METTL15: variants seen among roughly 807,000 people sequenced by gnomAD.
METTL15 encodes the protein methyltransferase 15, mitochondrial 12S rRNA N4-cytidine.
Under a neutral mutation model 38.3 loss-of-function variants are expected in METTL15, and 34 were observed. The observed-to-expected ratio is 0.89, with a 90% CI of 0.68 to 1.18. The LOEUF (loss-of-function observed/expected upper bound fraction) is 1.18, where lower values mean the gene tolerates loss of function less well. METTL15 is among the 50% of genes most tolerant of loss of function. The probability of loss-of-function intolerance (pLI) is 0.00; values close to 1 mark genes in which losing one functional copy is unlikely to be tolerated. For synonymous variants in METTL15, 162 were observed against 170.9 expected (o/e 0.95, Z 0.41); for missense variants, 438 against 498.4 (o/e 0.88, Z 1.15).
At chr11:28,223,755 A>G (rs1853352689) in intron 4 of METTL15, among the ~76,000 whole-genome samples, 1 of 152,118 alleles carries the variant, frequency 6.6e-6, no homozygotes, top group South Asian at 2.1e-4. Flanking sequence ...AGAAAAGATG[A>G]CATGTCAGAT....
At chr11:28,270,031 A>G (rs1294114840) in intron 4 of METTL15, among the ~76,000 whole-genome samples, 1 of 152,236 alleles carries the variant, frequency 6.6e-6, no homozygotes, top group Non-Finnish European at 1.5e-5. Flanking sequence ...ATGCCTGTGT[A>G]TAAGGAGAGA....
chr11:28,279,870 G>C (rs1289417202), intron 4 of METTL15, among the ~76,000 whole-genome samples: 2 of 148,978 alleles, frequency 1.3e-5, no homozygotes. Flanking sequence ...TTGCACTCCA[G>C]CCTGGGTGAC....
At chr11:28,309,807 T>G (rs1857212153) in intron 6 of METTL15, among the ~76,000 whole-genome samples, 1 of 152,200 alleles carries the variant, frequency 6.6e-6, no homozygotes, top group South Asian at 2.1e-4. Context: ...CATTTTTTTC[T>G]GTGCCCCCCA....
chr11:28,392,285 C>G (rs1490386744), intron 5 of METTL15, among the ~76,000 whole-genome samples: 2 of 151,896 alleles, frequency 1.3e-5, no homozygotes, highest in African/African-American at 2.4e-5. Flanking sequence ...AAAGCCAAAG[C>G]AATTATGAGA....
intron 4 of METTL15, among the ~76,000 whole-genome samples, chr11:28,270,989 C>G (rs1357634127): frequency 1.3e-5 from 2 of 152,114 alleles, no homozygotes; most frequent in African/African-American, 4.8e-5. Flanking sequence ...TGCATCAATA[C>G]AAGGAAAGTG....
intron 3 of METTL15, among the ~76,000 whole-genome samples, chr11:28,201,615 G>GTGTGTGTGTGTGTGTGTGTGTGTA (rs1852119452): frequency 6.6e-6 from 1 of 151,658 alleles, no homozygotes; most frequent in South Asian, 2.1e-4. Flanking sequence ...GGGAGGGTGT[G>GTGTGTGTGTGTGTGTGTGTGTGTA]TGTGTGTGTC....
At chr11:28,281,245 C>T (rs4923526) in intron 4 of METTL15, among the ~76,000 whole-genome samples, 11,501 of 152,124 alleles carry the variant, frequency 0.076, 620 homozygotes, top group Non-Finnish European at 0.11. Flanking sequence ...TTTTTGTTGA[C>T]CTTTCTACTA....
downstream of METTL15, among the ~76,000 whole-genome samples, chr11:28,338,340 A>G (rs1266376563): frequency 6.6e-6 from 1 of 152,104 alleles, no homozygotes; most frequent in Non-Finnish European, 1.5e-5. Context: ...GGTATTCTTT[A>G]TAGAAATCTT....
intron 5 of METTL15, among the ~76,000 whole-genome samples, chr11:28,398,092 G>A (rs574374310): frequency 9.9e-4 from 150 of 152,132 alleles, no homozygotes; most frequent in African/African-American, 1.9e-3. Context: ...CTGTTGTGGG[G>A]TGGGGGGAGG....
At chr11:28,133,597 T>C (rs964477763) in intron 3 of METTL15, among the ~76,000 whole-genome samples, 3 of 152,126 alleles carry the variant, frequency 2.0e-5, no homozygotes, top group Admixed American at 2.0e-4. Context: ...ATAAAATAAA[T>C]TTTGGCTTCT....
At chr11:28,293,488 G>C (rs1047150841) in intron 5 of METTL15, among the ~76,000 whole-genome samples, 2 of 151,936 alleles carry the variant, frequency 1.3e-5, no homozygotes, top group Admixed American at 6.6e-5. Flanking sequence ...GTCAGGTAGC[G>C]TGATGCCTCC....
chr11:28,140,014 G>A, intron 3 of METTL15, among the ~76,000 whole-genome samples: 1 of 152,194 alleles, frequency 6.6e-6, no homozygotes, highest in Non-Finnish European at 1.5e-5. Flanking sequence ...CCTGCCCCAT[G>A]TGGCTGTTGG....
chr11:28,141,981 C>T (rs910142778), intron 3 of METTL15, among the ~76,000 whole-genome samples: 5 of 152,126 alleles, frequency 3.3e-5, no homozygotes, highest in Admixed American at 6.5e-5. Context: ...GAGGAATGAA[C>T]GTACAGACAA....
At chr11:28,207,013 G>A (rs1343164017) in intron 3 of METTL15, among the ~76,000 whole-genome samples, 1 of 127,026 alleles carries the variant, frequency 7.9e-6, no homozygotes, top group African/African-American at 3.2e-5. Context: ...TTTGGGCTGA[G>A]ACGATGGGGT....
chr11:28,308,466 T>C (rs1159465564), intron 6 of METTL15, among the ~76,000 whole-genome samples: 1 of 152,194 alleles, frequency 6.6e-6, no homozygotes, highest in Admixed American at 6.5e-5. Context: ...TCTAATCTGC[T>C]GTGTAACCCA....
At chr11:28,117,259 G>GTGTATATA (rs1353342377) in intron 3 of METTL15, among the ~76,000 whole-genome samples, 2 of 108,588 alleles carry the variant, frequency 1.8e-5, no homozygotes, top group Non-Finnish European at 3.7e-5. Context: ...GTGTGTGTGT[G>GTGTATATA]TATATATATA....
At chr11:28,399,439 T>G (rs1288837057) in intron 5 of METTL15, among the ~76,000 whole-genome samples, 2 of 151,988 alleles carry the variant, frequency 1.3e-5, no homozygotes, top group African/African-American at 4.8e-5. Context: ...CTTTCATCCT[T>G]TGCAGAAAAC....
chr11:28,459,027 T>C (rs1050114407), intron 6 of METTL15, among the ~76,000 whole-genome samples: 6 of 152,160 alleles, frequency 3.9e-5, no homozygotes, highest in African/African-American at 1.4e-4. Flanking sequence ...TCATTCTCAG[T>C]CTGTCATTTT....
intron 6 of METTL15, among the ~76,000 whole-genome samples, chr11:28,511,845 T>G (rs543245724): frequency 4.6e-5 from 7 of 152,266 alleles, no homozygotes; most frequent in African/African-American, 1.4e-4. Flanking sequence ...CACTGATGGC[T>G]CTGGCAGCCT....
Sources: allele counts gnomAD v4.1 joint callset (sites outside exome capture counted in the v4.1 genomes callset), GRCh38; gene constraint gnomAD v4.1.1; transcripts MANE v1.5; gene names NCBI Gene and HGNC (gene_info 2026-07-23, HGNC 2026-07-21).